The following LRFN5 variants were observed in gnomAD, a reference collection of about 807,000 sequenced individuals.
The protein encoded by LRFN5 is leucine-rich repeat and fibronectin type-III domain-containing protein 5.
LRFN5 carries 24 observed loss-of-function variants against 45.6 expected under a neutral mutation model. The ratio of observed to expected loss-of-function variants is 0.53; its 90% CI spans 0.38 to 0.74. The LOEUF (loss-of-function observed/expected upper bound fraction) is 0.74, where lower values mean the gene tolerates loss of function less well. LRFN5 is among the 30% of genes least tolerant of loss of function. LRFN5 has a pLI of 0.00. For missense variants in LRFN5, 776 were observed against 861.5 expected (o/e 0.90, Z 1.24); for synonymous variants, 340 against 313.8 (o/e 1.08, Z -0.88).
rs776088137 is a variant in LRFN5 at position 41,891,915 on chromosome 14, A to G, written c.2051A>G (p.Asp684Gly). The G allele has an allele frequency of 5.0e-6, 8 of 1,614,134 alleles. 1 individual carries two copies. The South Asian group carries it at 8.8e-5, about 18-fold the overall frequency. ...TALQLASRPP[D>G]SVTEGPTSKR... ...TTGCAGTTAGCTAGCCGTCCTCCCG[A>G]TTCTGTCACAGAGGGGCCCACGTCT... Residue 684 changes from aspartate (D) to glycine (G), a missense_variant, in exon 4 of 6, where the codon GAT (aspartate) becomes GGT (glycine). Asp to Gly is a moderately conservative substitution (Grantham distance 94). Around this residue, in one of 2 missense-constraint regions of LRFN5, gnomAD observed 465 missense variants for 456.4 expected, o/e 1.02. Coordinates refer to ENST00000298119, the MANE Select transcript of LRFN5 (RefSeq NM_152447.5).
chr14:41,666,071 T>A (rs1880884220), intron 1 of LRFN5, among the ~76,000 whole-genome samples: 1 of 151,990 alleles, frequency 6.6e-6, no homozygotes, highest in Non-Finnish European at 1.5e-5. Context: ...ACTAGCATTC[T>A]CTTCACATAA....
In LRFN5 at chr14:41,760,982, T is replaced by G. The variant is rs536430390; in HGVS notation, c.-196-5872T>G. On this transcript the variant is annotated intron_variant, in intron 1 of 5. Coordinates refer to ENST00000298119, the MANE Select transcript of LRFN5 (RefSeq NM_152447.5). Reference sequence around the variant, plus strand: ...CTAATAAAGATTTGCCACCTCCTCCTGACATGAACCTAAATTGGGCCCCTG... The same window carrying G: ...CTAATAAAGATTTGCCACCTCCTCCGGACATGAACCTAAATTGGGCCCCTG... Among the ~76,000 whole-genome samples the G allele has an allele frequency of 1.9e-3, 284 of 152,222 alleles. 1 individual carries two copies. The highest frequency in any genetic ancestry group is 3.2e-3 in the Non-Finnish European group (215 of 67,998).
intron 1 of LRFN5, among the ~76,000 whole-genome samples, chr14:41,679,144 T>G (rs1881772703): frequency 6.6e-6 from 1 of 152,146 alleles, no homozygotes; most frequent in Non-Finnish European, 1.5e-5. Context: ...TAAAGTACTC[T>G]TGGGTTCTAA....
intron 1 of LRFN5, among the ~76,000 whole-genome samples, chr14:41,635,379 A>G (rs1314421091): frequency 3.9e-5 from 6 of 152,194 alleles, no homozygotes; most frequent in African/African-American, 1.4e-4. Flanking sequence ...AATTTATCTG[A>G]AACTTTATAA....
chr14:41,766,960 C>T lies in LRFN5; in HGVS notation c.-90C>T, dbSNP rs1885907034. Reference sequence around the variant, plus strand: ...AGCTTTGGAGATGCTTTCACTCTGTCCGTCTTCTGCAGCAGCCAGGCAGAG... The same window carrying T: ...AGCTTTGGAGATGCTTTCACTCTGTTCGTCTTCTGCAGCAGCCAGGCAGAG... On this transcript the variant is annotated 5_prime_UTR_variant, in exon 2 of 6. Coordinates refer to ENST00000298119, the MANE Select transcript of LRFN5 (RefSeq NM_152447.5). 6.6e-6 allele frequency: 1 copy of T among 152,598 alleles called. No individual in the cohort carries two copies. Among genetic ancestry groups the T allele is most frequent in the African/African-American group, 2.4e-5 (1 of 41,424 alleles). 9.5% of individuals were successfully genotyped at this position (152,598 alleles called of 1,614,324 possible). A position where few individuals can be genotyped will look rare whatever the true frequency, so the allele number is the denominator to read the frequency against.
chr14:41,803,858 T>A (rs1288015202), intron 2 of LRFN5, among the ~76,000 whole-genome samples: 1 of 151,822 alleles, frequency 6.6e-6, no homozygotes, highest in Non-Finnish European at 1.5e-5. Context: ...AAGCCAGAGT[T>A]TTTTTCATTT....
chr14:41,786,283 C>A (rs1479776289), intron 2 of LRFN5, among the ~76,000 whole-genome samples: 1 of 151,970 alleles, frequency 6.6e-6, no homozygotes, highest in Non-Finnish European at 1.5e-5. Context: ...TAAAAAAGTT[C>A]TTTTAGCATT....
At chr14:41,794,589 G>T (rs1566446436) in intron 2 of LRFN5, among the ~76,000 whole-genome samples, 1 of 152,026 alleles carries the variant, frequency 6.6e-6, no homozygotes, top group Non-Finnish European at 1.5e-5. Flanking sequence ...ATACAGAAAA[G>T]TACAGTGTGG....
chr14:41,632,356 C>T (rs1191126177), intron 1 of LRFN5, among the ~76,000 whole-genome samples: 1 of 152,156 alleles, frequency 6.6e-6, no homozygotes, highest in Non-Finnish European at 1.5e-5. Flanking sequence ...GTAATCCCAG[C>T]ACTTTGGGAG....
At chr14:41,670,625 A>C (rs191498329) in intron 1 of LRFN5, among the ~76,000 whole-genome samples, 1 of 151,954 alleles carries the variant, frequency 6.6e-6, no homozygotes, top group Admixed American at 6.6e-5. Flanking sequence ...CTCTGAATTT[A>C]ATTTTTTTGA....
intron 1 of LRFN5, among the ~76,000 whole-genome samples, chr14:41,629,897 G>T (rs571816753): frequency 2.6e-5 from 4 of 152,108 alleles, no homozygotes; most frequent in African/African-American, 9.6e-5. Flanking sequence ...TTTTTATGTA[G>T]TGGCTGTTTT....
At chr14:41,755,941 G>A (rs1382648482) in intron 1 of LRFN5, among the ~76,000 whole-genome samples, 3 of 152,156 alleles carry the variant, frequency 2.0e-5, no homozygotes, top group East Asian at 1.9e-4. Flanking sequence ...TTCTTCAGGA[G>A]CCCTTTTAGG....
intron 2 of LRFN5, among the ~76,000 whole-genome samples, chr14:41,794,105 C>T (rs1425776924): frequency 6.6e-6 from 1 of 151,970 alleles, no homozygotes; most frequent in Non-Finnish European, 1.5e-5. Flanking sequence ...ATAAATATGA[C>T]TCCCACAAAT....
intron 1 of LRFN5, among the ~76,000 whole-genome samples, chr14:41,729,008 C>G (rs181382896): frequency 2.5e-4 from 38 of 152,228 alleles, no homozygotes; most frequent in Middle Eastern, 3.4e-3. Context: ...AAAAATAAAT[C>G]TGAATTGTGT....
At chr14:41,857,036 GTTGT>G (rs1889496816) in intron 2 of LRFN5, among the ~76,000 whole-genome samples, 1 of 151,884 alleles carries the variant, frequency 6.6e-6, no homozygotes, top group African/African-American at 2.4e-5. Context: ...CCTTTTAAGT[GTTGT>G]TTTATTTTCA....
chr14:41,888,318 C>A (rs542654718), intron 3 of LRFN5, among the ~76,000 whole-genome samples: 1 of 152,086 alleles, frequency 6.6e-6, no homozygotes, highest in South Asian at 2.1e-4. Context: ...CCAGAACTTA[C>A]ACACACATGA....
chr14:41,757,992 A>G (rs1173495326), intron 1 of LRFN5, among the ~76,000 whole-genome samples: 1 of 152,166 alleles, frequency 6.6e-6, no homozygotes, highest in Non-Finnish European at 1.5e-5. Flanking sequence ...ATATGGGACT[A>G]TCCTAATAGT....
At chr14:41,778,644 A>C (rs574857655) in intron 2 of LRFN5, among the ~76,000 whole-genome samples, 1 of 151,930 alleles carries the variant, frequency 6.6e-6, no homozygotes, top group South Asian at 2.1e-4. Context: ...AATGTGAAGA[A>C]CTATGGAGCT....
At chr14:41,706,143 C>T (rs1458985850) in intron 1 of LRFN5, among the ~76,000 whole-genome samples, 2 of 151,932 alleles carry the variant, frequency 1.3e-5, no homozygotes, top group Non-Finnish European at 2.9e-5. Flanking sequence ...ACTTGTTGCC[C>T]AGGCTGGAGT....
Sources: gnomAD v4.1 joint callset for allele counts (sites outside exome capture counted in the v4.1 genomes callset) on GRCh38, gnomAD v4.1.1 for gene constraint, gnomAD v4.1.1 regional missense constraint, MANE v1.5 for transcripts, NCBI Gene and HGNC (gene_info 2026-07-23, HGNC 2026-07-21) for gene names.